The following GTPBP10 variants were observed in gnomAD, a reference collection of about 807,000 sequenced individuals.
The protein encoded by GTPBP10 is GTP binding protein 10.
GTPBP10 carries 38 observed loss-of-function variants against 44.8 expected under a neutral mutation model. The ratio of observed to expected loss-of-function variants is 0.85; its 90% CI spans 0.65 to 1.11. The LOEUF is 1.11. GTPBP10 is among the 50% of genes most tolerant of loss of function. GTPBP10 has a pLI of 0.00. For missense variants in GTPBP10, 462 were observed against 453.7 expected, an observed-to-expected ratio of 1.02 and a Z score of -0.17; for synonymous variants, 152 against 150.6, an observed-to-expected ratio of 1.01 and a Z score of -0.07.
chr7:90,360,576 T>C (rs962844279), intron 4 of GTPBP10, among the ~76,000 whole-genome samples: 1 of 152,230 alleles, frequency 6.6e-6, no homozygotes, highest in East Asian at 1.9e-4. Flanking sequence ...GGTAGCATGA[T>C]GTCTCCAGCT....
At chr7:90,369,883 A>G (rs1796224299) in intron 4 of GTPBP10, among the ~76,000 whole-genome samples, 1 of 152,166 alleles carries the variant, frequency 6.6e-6, no homozygotes, top group Admixed American at 6.5e-5. Context: ...AAATGCAGAA[A>G]TCACCCATCT....
intron 6 of GTPBP10, among the ~76,000 whole-genome samples, chr7:90,376,046 G>A (rs1333881341): frequency 1.3e-5 from 2 of 149,006 alleles, no homozygotes; most frequent in African/African-American, 5.0e-5. Context: ...CTAACATGGT[G>A]AAACCCTGTC....
At position 90,389,916 on chromosome 7, in the gene GTPBP10, TAGC is replaced by T. The variant is rs1584654550; in HGVS notation, c.*4763_*4765del. The T allele has an allele frequency of 6.6e-6, 1 of 152,280 alleles. No homozygotes were observed. Among genetic ancestry groups the T allele is most frequent in the Non-Finnish European group, 1.5e-5 (1 of 68,124 alleles). The allele number at this position is 152,280 out of a possible 1,614,324, so 9.4% of individuals were successfully genotyped here. ...TATCCTCCTGCCTCATCCTCCCAAG[TAGC>T]TAGGACTACAAGTGTGTGCCACCAT... is the stretch of plus-strand genomic sequence containing the variant. On this transcript the variant is annotated 3_prime_UTR_variant, in exon 10 of 10. Transcript: ENST00000222511.
In GTPBP10 at chr7:90,353,022, T is replaced by C. The variant is rs1795824595; in HGVS notation, c.227+13T>C. On this transcript the variant is annotated intron_variant, in intron 2 of 9. Coordinates refer to ENST00000222511, the MANE Select transcript of GTPBP10 (RefSeq NM_033107.4). ...GAGCAAACAGCAAGTAAGTAATTAC[T>C]GAATGACTTAAATTTTAGAAAATCA... 3 of 1,508,692 alleles carry C rather than the reference T, an allele frequency of 2.0e-6. No individual in the cohort carries two copies. Among genetic ancestry groups the C allele is most frequent in the Non-Finnish European group, 2.7e-6 (3 of 1,117,950 alleles). 93.5% of individuals were successfully genotyped at this position (1,508,692 alleles called of 1,614,324 possible).
At chr7:90,367,000 T>A (rs1796147265) in intron 4 of GTPBP10, among the ~76,000 whole-genome samples, 1 of 152,198 alleles carries the variant, frequency 6.6e-6, no homozygotes. Flanking sequence ...GTGTTCTCAT[T>A]GGTTTCAAAG....
chr7:90,382,959 T>G lies in GTPBP10; in HGVS notation c.781T>G (p.Leu261Val). 1 of 1,535,720 alleles carries G rather than the reference T, an allele frequency of 6.5e-7. No individual in the cohort carries two copies. The highest frequency in any genetic ancestry group is 2.3e-5 in the East Asian group (1 of 43,748). Residue 261 changes from leucine to valine, a missense_variant, in exon 9 of 10, where the codon TTG becomes GTG. By Grantham distance (32) the Leu-to-Val change is conservative. Transcript: ENST00000222511. ...GGTTTTCTCTTTTGATTTAAAGGAG[T>G]TGGAATTGTACAAAGAGGAACTTCA... The part of the protein sequence containing the change: ...FETIILLTKE[L>V]ELYKEELQTK...
chr7:90,384,785 A>G, intron 9 of GTPBP10, 107 bp from the exon 10 acceptor site: 1 of 1,105,254 alleles, frequency 9.0e-7, no homozygotes, highest in African/African-American at 1.6e-5. Flanking sequence ...AAAAGGCATG[A>G]AAAATGCTGG....
chr7:90,373,961 C>G (rs1487423304), intron 5 of GTPBP10, among the ~76,000 whole-genome samples: 1 of 152,176 alleles, frequency 6.6e-6, no homozygotes, highest in Non-Finnish European at 1.5e-5. Context: ...CCACCTCAGC[C>G]TCTGGAGTAG....
chr7:90,378,855 A>G (rs1250904219), intron 8 of GTPBP10, among the ~76,000 whole-genome samples: 1 of 152,032 alleles, frequency 6.6e-6, no homozygotes, highest in African/African-American at 2.4e-5. Context: ...AGCGTGTGCC[A>G]CCACGCCCGG....
intron 8 of GTPBP10, among the ~76,000 whole-genome samples, chr7:90,380,623 A>T (rs1562961168): frequency 6.6e-6 from 1 of 152,202 alleles, no homozygotes; most frequent in Non-Finnish European, 1.5e-5. Flanking sequence ...AATTAACATG[A>T]TCCATCATCT....
intron 5 of GTPBP10, among the ~76,000 whole-genome samples, chr7:90,373,297 G>A (rs558179211): frequency 3.2e-4 from 49 of 152,288 alleles, no homozygotes; most frequent in African/African-American, 8.4e-4. Flanking sequence ...CAGAGATCTC[G>A]GCCTGTAATG....
rs1034415078 is a variant in GTPBP10, at chr7:90,388,200, T to C, written c.*3046T>C. On this transcript the variant is annotated 3_prime_UTR_variant, in exon 10 of 10. Transcript: ENST00000222511. ...AGAAGATCAGATTCCTTTTTTATCT[T>C]ATAAAAAATAATTTTGAAACAAAGA... The C allele has an allele frequency of 1.3e-5, 2 of 152,234 alleles. No homozygotes were observed. Among genetic ancestry groups the C allele is most frequent in the Non-Finnish European group, 2.9e-5 (2 of 68,034 alleles). 9.4% of individuals were successfully genotyped at this position (152,234 alleles called of 1,614,324 possible).
In GTPBP10 at chr7:90,384,744, A is replaced by T. The variant is rs543613888; in HGVS notation, c.902-148A>T. 1.2e-5 allele frequency: 8 copies of T among 643,760 alleles called. No individual in the cohort carries two copies. The East Asian group carries it at 2.3e-4, about 18-fold the overall frequency. The allele number at this position is 643,760 out of a possible 1,614,324, so 39.9% of individuals were successfully genotyped here. On this transcript the variant is annotated intron_variant, in intron 9 of 9. Coordinates refer to ENST00000222511, the MANE Select transcript of GTPBP10 (RefSeq NM_033107.4). The stretch of plus-strand genomic sequence containing the variant: ...TTACCATAATCAATGGTAAAATCCA[A>T]AGGCTCTGAGAACTTATTAGAAAAG...
At chr7:90,352,072 A>G (rs1315231399) in intron 1 of GTPBP10, among the ~76,000 whole-genome samples, 2 of 152,218 alleles carry the variant, frequency 1.3e-5, no homozygotes, top group African/African-American at 4.8e-5. Flanking sequence ...TCAGAAAAAT[A>G]GTTCAGGCAA....
At chr7:90,352,708 C>T in intron 1 of GTPBP10, 108 bp from the exon 2 acceptor site, 1 of 748,458 alleles carries the variant, frequency 1.3e-6, no homozygotes, top group Admixed American at 3.2e-5. Flanking sequence ...ATGTGAAAAG[C>T]TATTAACGAC....
At chr7:90,362,358 A>G (rs36133744) in intron 4 of GTPBP10, among the ~76,000 whole-genome samples, 10,415 of 152,172 alleles carry the variant, frequency 0.068, 395 homozygotes, top group South Asian at 0.15. Flanking sequence ...GTTTCAAAGA[A>G]CATCTTTATT....
intron 5 of GTPBP10, among the ~76,000 whole-genome samples, chr7:90,373,876 T>G (rs1226453899): frequency 2.6e-5 from 4 of 152,198 alleles, no homozygotes; most frequent in Non-Finnish European, 5.9e-5. Context: ...GGTCTAGCTA[T>G]GTCACCCAGG....
intron 4 of GTPBP10, among the ~76,000 whole-genome samples, chr7:90,361,391 CAT>C (rs1447288079): frequency 3.5e-5 from 5 of 141,520 alleles, no homozygotes; most frequent in African/African-American, 1.3e-4. Flanking sequence ...TTGAGATAAT[CAT>C]GTGGTTTTTG....
In GTPBP10 at chr7:90,385,317, G is replaced by A. The variant is rs17869357; in HGVS notation, c.*163G>A. On this transcript the variant is annotated 3_prime_UTR_variant, in exon 10 of 10. Coordinates refer to ENST00000222511, the MANE Select transcript of GTPBP10 (RefSeq NM_033107.4). ...GGAATCTTAAGTTGAACTCATAGAA[G>A]GAGAGAATAGAATGGTGGTTATCAA... 0.011 allele frequency: 5,908 copies of A among 548,572 alleles called. 264 individuals carry two copies. The highest frequency in any genetic ancestry group is 0.099 in the African/African-American group (5,163 of 52,394). 34.0% of individuals were successfully genotyped at this position (548,572 alleles called of 1,614,324 possible). A position where few individuals can be genotyped will look rare whatever the true frequency, so the allele number is the denominator to read the frequency against.
Sources: gnomAD v4.1 joint callset for allele counts (sites outside exome capture counted in the v4.1 genomes callset) on GRCh38, gnomAD v4.1.1 for gene constraint, MANE v1.5 for transcripts, NCBI Gene and HGNC (gene_info 2026-07-23, HGNC 2026-07-21) for gene names.